Variants in BAG2 observed in about 807,000 individuals in gnomAD.
BAG2 encodes the protein BAG family molecular chaperone regulator 2.
Under a neutral mutation model 16.4 loss-of-function variants are expected in BAG2, and 8 were observed. The ratio of observed to expected loss-of-function variants is 0.49; its 90% CI spans 0.29 to 0.88. The LOEUF (loss-of-function observed/expected upper bound fraction) is 0.88, where lower values mean the gene tolerates loss of function less well. Among genes scored for constraint, BAG2 ranks in the 40% least tolerant of loss-of-function variants. The probability of loss-of-function intolerance (pLI) is 0.09; values close to 1 mark genes in which losing one functional copy is unlikely to be tolerated. For missense variants in BAG2, 218 were observed against 248.9 expected (o/e 0.88, Z 0.84); for synonymous variants, 82 against 89.2 (o/e 0.92, Z 0.46).
intron 1 of BAG2, chr6:57,174,531 TTAAC>T (rs1297544753): frequency 5.7e-5 from 39 of 685,928 alleles, no homozygotes; most frequent in Non-Finnish European, 7.2e-5. Flanking sequence ...ACTTGCTTAA[TTAAC>T]ATTTGAGCTG....
In BAG2 at chr6:57,178,210, C is replaced by T. The variant is rs76071331; in HGVS notation, c.114-3822C>T. Among the ~76,000 whole-genome samples the T allele has an allele frequency of 4.6e-4, 70 of 151,948 alleles. No homozygotes were observed. The East Asian group carries it at 9.3e-3, about 20-fold the overall frequency. ...ACATTTCTCTAACCAGAGTTCCAGA[C>T]GAAAATAACAGAAGGGGAGACAGGG... is the stretch of plus-strand genomic sequence containing the variant. On this transcript the variant is annotated intron_variant, in intron 1 of 2. Transcript: ENST00000370693.
chr6:57,175,269 C>T (rs1015126364), intron 1 of BAG2, among the ~76,000 whole-genome samples: 3 of 152,344 alleles, frequency 2.0e-5, no homozygotes, highest in African/African-American at 4.8e-5. Flanking sequence ...TTACGATTCT[C>T]TCTCTCTGTA....
In BAG2 at chr6:57,172,446, G is replaced by A. The variant is rs1257887445; in HGVS notation, c.-252G>A. The A allele has an allele frequency of 3.3e-6, 1 of 303,224 alleles. No individual in the cohort carries two copies. 18.8% of individuals were successfully genotyped at this position (303,224 alleles called of 1,614,324 possible). On this transcript the variant is annotated 5_prime_UTR_variant, in exon 1 of 3. Transcript: ENST00000370693. The stretch of plus-strand genomic sequence containing the variant: ...CCATCCTCGAGCCCGTGTGGCTCGC[G>A]AACCTCTAACTCCAGCCGCTGCAGC...
rs1442765455 is a variant in BAG2 at position 57,184,274 on chromosome 6, A to G, written c.*84A>G. ...TTTAATTGATAACTAGTTCTTTGTTAGGTATAACCACTTAGTTGACACTGA... is the reference window on the plus strand; with the variant it reads ...TTTAATTGATAACTAGTTCTTTGTTGGGTATAACCACTTAGTTGACACTGA... On this transcript the variant is annotated 3_prime_UTR_variant, in exon 3 of 3. Coordinates refer to ENST00000370693, the MANE Select transcript of BAG2 (RefSeq NM_004282.4). The G allele has an allele frequency of 3.9e-6, 5 of 1,268,410 alleles. No individual in the cohort carries two copies. Among genetic ancestry groups the G allele is most frequent in the Non-Finnish European group, 5.1e-6 (5 of 977,578 alleles). The allele number at this position is 1,268,410 out of a possible 1,614,324, so 78.6% of individuals were successfully genotyped here. A position where few individuals can be genotyped will look rare whatever the true frequency, so the allele number is the denominator to read the frequency against.
At chr6:57,182,786 G>A (rs960542380) in intron 2 of BAG2, among the ~76,000 whole-genome samples, 1 of 152,126 alleles carries the variant, frequency 6.6e-6, no homozygotes, top group Admixed American at 6.5e-5. Flanking sequence ...GAGTAGCTGG[G>A]ATTACAGGCA....
intron 1 of BAG2, among the ~76,000 whole-genome samples, chr6:57,174,562 A>G (rs964591916): frequency 1.3e-5 from 2 of 152,254 alleles, no homozygotes; most frequent in African/African-American, 4.8e-5. Flanking sequence ...AAAGTGATTA[A>G]TATGTGGCTG....
intron 1 of BAG2, 112 bp from the exon 2 acceptor site, chr6:57,181,920 T>G: frequency 1.2e-6 from 1 of 860,780 alleles, no homozygotes; most frequent in Non-Finnish European, 1.8e-6. Flanking sequence ...TGAAGAATTT[T>G]TGAAAAGTTT....
intron 1 of BAG2, among the ~76,000 whole-genome samples, chr6:57,176,193 C>T (rs1467080585): frequency 1.3e-5 from 2 of 152,220 alleles, no homozygotes; most frequent in African/African-American, 4.8e-5. Context: ...GGCCCCATGT[C>T]GTTGTTACTA....
intron 1 of BAG2, among the ~76,000 whole-genome samples, chr6:57,180,451 C>A (rs896708453): frequency 8.0e-5 from 12 of 150,290 alleles, no homozygotes; most frequent in Non-Finnish European, 1.3e-4. Context: ...AAAAAAAAAA[C>A]CCAAAACTTG....
intron 1 of BAG2, among the ~76,000 whole-genome samples, chr6:57,179,960 A>G (rs1488231003): frequency 8.7e-6 from 1 of 115,260 alleles, no homozygotes; most frequent in Non-Finnish European, 2.1e-5. Flanking sequence ...ACCTTTTCTT[A>G]AAAAAAAAAA....
chr6:57,182,948 C>T (rs1287285863), intron 2 of BAG2, among the ~76,000 whole-genome samples: 2 of 152,152 alleles, frequency 1.3e-5, no homozygotes, highest in African/African-American at 2.4e-5. Flanking sequence ...ATCTGCCTAA[C>T]CTGTGCTGTC....
chr6:57,172,754 C>T lies in BAG2; in HGVS notation c.57C>T (p.Ser19=). The change falls in exon 1 of 3, where the codon TCC becomes TCT. Residue 19 remains serine, a synonymous_variant. Transcript: ENST00000370693. The stretch of plus-strand genomic sequence containing the variant: ...ACGAGGGGCGCTTCTGCCGCTCCTC[C>T]TCCATGGCTGACCGCTCCAGCCGCC... ...KANEGRFCRS[S]SMADRSSRLL... The T allele has an allele frequency of 1.3e-6, 2 of 1,582,910 alleles. No homozygotes were observed. Among genetic ancestry groups the T allele is most frequent in the East Asian group, 2.4e-5 (1 of 41,648 alleles).
chr6:57,172,760 G>A lies in BAG2; in HGVS notation c.63G>A (p.Met21Ile). The change falls in exon 1 of 3, where the codon ATG becomes ATA. Residue 21 changes from methionine (M) to isoleucine (I), a missense_variant. Physicochemically the swap from Met to Ile is conservative, Grantham distance 10. Coordinates refer to ENST00000370693, the MANE Select transcript of BAG2 (RefSeq NM_004282.4). ...GGCGCTTCTGCCGCTCCTCCTCCATGGCTGACCGCTCCAGCCGCCTGCTGG... is the reference window on the plus strand; with the variant it reads ...GGCGCTTCTGCCGCTCCTCCTCCATAGCTGACCGCTCCAGCCGCCTGCTGG... ...NEGRFCRSSSMADRSSRLLES... is the reference protein window; with the variant it reads ...NEGRFCRSSSIADRSSRLLES... 6.3e-7 allele frequency: 1 copy of A among 1,581,456 alleles called. No homozygotes were observed. The highest frequency in any genetic ancestry group is 8.6e-7 in the Non-Finnish European group (1 of 1,166,754).
chr6:57,178,983 TTC>T (rs1368006060), intron 1 of BAG2, among the ~76,000 whole-genome samples: 3 of 152,256 alleles, frequency 2.0e-5, no homozygotes, highest in Admixed American at 2.0e-4. Context: ...AATAGCATTG[TTC>T]TCTCTTATCA....
chr6:57,174,460 A>G (rs62415927), intron 1 of BAG2: 17 of 1,184,936 alleles, frequency 1.4e-5, no homozygotes, highest in Non-Finnish European at 1.7e-5. Flanking sequence ...GAATATTATT[A>G]TATTCTACTG....
chr6:57,173,214 T>C, intron 1 of BAG2: 1 of 990,114 alleles, frequency 1.0e-6, no homozygotes, highest in African/African-American at 1.7e-5. Context: ...TTTAACTTAC[T>C]CTTCTCGTTA....
chr6:57,181,165 C>G (rs1336359626), intron 1 of BAG2, among the ~76,000 whole-genome samples: 1 of 152,142 alleles, frequency 6.6e-6, no homozygotes, highest in African/African-American at 2.4e-5. Context: ...AGTCATAATA[C>G]TAAGTCAAAA....
Position 57,186,251 on chromosome 6 carries a change from T to A in BAG2, c.*2061T>A, listed in dbSNP as rs1291248075. The A allele has an allele frequency of 6.6e-6, 1 of 152,280 alleles. No homozygotes were observed. Among genetic ancestry groups the A allele is most frequent in the Non-Finnish European group, 1.5e-5 (1 of 68,148 alleles). 9.4% of individuals were successfully genotyped at this position (152,280 alleles called of 1,614,324 possible). On this transcript the variant is annotated 3_prime_UTR_variant, in exon 3 of 3. Transcript: ENST00000370693. ...TGTGAAGGGAAGAGAACAAACATTT[T>A]GTAGACGTTTGGTGTTGAATATATG...
At position 57,184,442 on chromosome 6, in the gene BAG2, C is replaced by T. The variant is rs185222394; in HGVS notation, c.*252C>T. 11 of 282,268 alleles carry T rather than the reference C, an allele frequency of 3.9e-5. No individual in the cohort carries two copies. The highest frequency in any genetic ancestry group is 2.4e-4 in the African/African-American group (11 of 45,892). The allele number at this position is 282,268 out of a possible 1,614,324, so 17.5% of individuals were successfully genotyped here. A position where few individuals can be genotyped will look rare whatever the true frequency, so the allele number is the denominator to read the frequency against. On this transcript the variant is annotated 3_prime_UTR_variant, in exon 3 of 3. Transcript: ENST00000370693. ...CTAGGATCTAGCATATTTCACTATT[C>T]TGTGGATGAATACATAGTTTGTGGG...
Sources: gnomAD v4.1 joint callset for allele counts (sites outside exome capture counted in the v4.1 genomes callset) on GRCh38, gnomAD v4.1.1 for gene constraint, MANE v1.5 for transcripts, NCBI Gene and HGNC (gene_info 2026-07-23, HGNC 2026-07-21) for gene names.